The following POT1 variants were observed in gnomAD, a reference collection of about 807,000 sequenced individuals.
POT1 encodes protection of telomeres protein 1.
A neutral mutation model predicts 78.5 loss-of-function variants in POT1; 47 were observed. That is an observed-to-expected ratio of 0.60 (90% confidence interval 0.47 to 0.76). The LOEUF (loss-of-function observed/expected upper bound fraction) is 0.76, where lower values mean the gene tolerates loss of function less well. Among genes scored for constraint, POT1 ranks in the 30% least tolerant of loss-of-function variants. The pLI, the probability that POT1 is intolerant of heterozygous loss-of-function variation, is 0.00. For synonymous variants in POT1, 259 were observed against 260.7 expected, an observed-to-expected ratio of 0.99 and a Z score of 0.06; for missense variants, 646 against 749.9, an observed-to-expected ratio of 0.86 and a Z score of 1.62.
intron 2 of POT1, among the ~76,000 whole-genome samples, chr7:124,927,944 A>C (rs1282099237): frequency 6.6e-6 from 1 of 152,078 alleles, no homozygotes; most frequent in Non-Finnish European, 1.5e-5. Flanking sequence ...TCTATATTCA[A>C]ATTCCTGCTC....
At chr7:124,848,114 T>C (rs1236517071) in intron 11 of POT1, among the ~76,000 whole-genome samples, 1 of 152,154 alleles carries the variant, frequency 6.6e-6, no homozygotes, top group African/African-American at 2.4e-5. Flanking sequence ...AAAGAGTACA[T>C]ATGATTCAAT....
intron 12 of POT1, among the ~76,000 whole-genome samples, chr7:124,846,500 A>G (rs1486948074): frequency 4.6e-5 from 7 of 152,082 alleles, no homozygotes; most frequent in Admixed American, 4.6e-4. Context: ...ATCATTACTA[A>G]CATTAAATTA....
chr7:124,881,093 G>A (rs978254106), intron 6 of POT1, among the ~76,000 whole-genome samples: 25 of 152,042 alleles, frequency 1.6e-4, no homozygotes, highest in African/African-American at 4.6e-4. Flanking sequence ...ATGGGGATAC[G>A]TTCTAAGAGA....
At chr7:124,855,218 C>CAAAAAAAAAAAAAAAAAA (rs550056711) in intron 9 of POT1, among the ~76,000 whole-genome samples, 2 of 52,492 alleles carry the variant, frequency 3.8e-5, no homozygotes, top group African/African-American at 7.9e-5. Flanking sequence ...GAGAGGAGAG[C>CAAAAAAAAAAAAAAAAAA]AAAAAAAAAA....
In POT1 at chr7:124,868,177, A is replaced by G. The variant is rs554278121; in HGVS notation, c.255+2734T>C. 3.9e-5 allele frequency among the ~76,000 whole-genome samples: 6 copies of G among 152,322 alleles called. No individual in the cohort carries two copies. The South Asian group carries it at 1.2e-3, about 32-fold the overall frequency. The stretch of plus-strand genomic sequence containing the variant: ...AAAAATAAATTCTGATATCTAAAAC[A>G]AATGTCTGTACTTAGAATGACCTTG... On this transcript the variant is annotated intron_variant, in intron 7 of 18. Coordinates refer to ENST00000357628, the MANE Select transcript of POT1 (RefSeq NM_015450.3).
intron 9 of POT1, among the ~76,000 whole-genome samples, chr7:124,857,917 T>G (rs551313156): frequency 1.7e-4 from 26 of 152,272 alleles, no homozygotes; most frequent in African/African-American, 6.0e-4. Flanking sequence ...CCTCTGGGGC[T>G]TCAGGGGTCA....
At chr7:124,908,975 T>C (rs1796828928) in intron 3 of POT1, among the ~76,000 whole-genome samples, 1 of 151,846 alleles carries the variant, frequency 6.6e-6, no homozygotes, top group Admixed American at 6.6e-5. Flanking sequence ...AAATAAATGA[T>C]CTAAGGTCAC....
At chr7:124,907,923 C>T (rs1228322756) in intron 3 of POT1, among the ~76,000 whole-genome samples, 1 of 151,922 alleles carries the variant, frequency 6.6e-6, no homozygotes, top group Non-Finnish European at 1.5e-5. Context: ...TATGTTAGTA[C>T]CTCCTAATAA....
intron 11 of POT1, chr7:124,851,669 C>A (rs1355752209): frequency 5.3e-6 from 3 of 561,086 alleles, no homozygotes; most frequent in Non-Finnish European, 9.5e-6. Context: ...CACTACCACC[C>A]AATTTGAAAA....
chr7:124,844,507 C>T (rs1476997620), intron 12 of POT1, among the ~76,000 whole-genome samples: 8 of 149,266 alleles, frequency 5.4e-5, no homozygotes, highest in South Asian at 2.1e-4. Context: ...GAGGCCGAGG[C>T]GGGTAGATCA....
chr7:124,859,303 G>T (rs573059825), intron 8 of POT1, among the ~76,000 whole-genome samples, 191 bp from the exon 9 acceptor site: 3 of 152,170 alleles, frequency 2.0e-5, no homozygotes, highest in Admixed American at 2.0e-4. Context: ...GGAAAATGTA[G>T]AAGAATGTAA....
At chr7:124,882,829 G>A (rs1050634884) in intron 6 of POT1, among the ~76,000 whole-genome samples, 2 of 151,924 alleles carry the variant, frequency 1.3e-5, no homozygotes, top group Admixed American at 6.6e-5. Flanking sequence ...GCTAGTGCTC[G>A]TCTCATAGAA....
chr7:124,906,808 C>G (rs1796776706), intron 3 of POT1, among the ~76,000 whole-genome samples: 1 of 151,950 alleles, frequency 6.6e-6, no homozygotes, highest in African/African-American at 2.4e-5. Flanking sequence ...ATAAATGGCT[C>G]TTAGGATCCA....
At chr7:124,887,892 G>A (rs928688767) in intron 6 of POT1, among the ~76,000 whole-genome samples, 1 of 151,964 alleles carries the variant, frequency 6.6e-6, no homozygotes, top group African/African-American at 2.4e-5. Flanking sequence ...GAAATTCATG[G>A]CTTTTGATGT....
chr7:124,913,988 A>G (rs560243579), intron 3 of POT1, among the ~76,000 whole-genome samples: 2 of 152,112 alleles, frequency 1.3e-5, no homozygotes, highest in African/African-American at 4.8e-5. Flanking sequence ...ACAAAAAATT[A>G]GCAAGACATG....
At chr7:124,899,215 G>A (rs1796562018) in intron 3 of POT1, among the ~76,000 whole-genome samples, 1 of 152,276 alleles carries the variant, frequency 6.6e-6, no homozygotes, top group South Asian at 2.1e-4. Context: ...GAAGATAGTG[G>A]TCATTTCTAA....
At position 124,921,832 on chromosome 7, in the gene POT1, C is replaced by T. The variant is rs184455176; in HGVS notation, c.-226-6186G>A. On this transcript the variant is annotated intron_variant, in intron 2 of 18. Coordinates refer to ENST00000357628, the MANE Select transcript of POT1 (RefSeq NM_015450.3). ...TACATGAACATACACACGTAATTGG[C>T]ATCCCAAAAAAGAGAAAAGGGTAAT... is the stretch of plus-strand genomic sequence containing the variant. Among the ~76,000 whole-genome samples, 130 of 151,756 alleles carry T rather than the reference C, an allele frequency of 8.6e-4. 1 individual carries two copies. The Middle Eastern group carries it at 0.01, about 12-fold the overall frequency.
chr7:124,923,136 G>C (rs904342799), intron 2 of POT1, among the ~76,000 whole-genome samples: 2 of 150,608 alleles, frequency 1.3e-5, no homozygotes, highest in African/African-American at 4.9e-5. Flanking sequence ...ATCACCAAAA[G>C]ACCACAACAA....
chr7:124,842,752 T>C (rs2116467086), intron 13 of POT1, 55 bp downstream of exon 13: 1 of 1,442,038 alleles, frequency 6.9e-7, no homozygotes, highest in Non-Finnish European at 9.5e-7. Context: ...TACATATGTG[T>C]ACATATACAC....
Sources: allele counts gnomAD v4.1 joint callset (sites outside exome capture counted in the v4.1 genomes callset), GRCh38; gene constraint gnomAD v4.1.1; transcripts MANE v1.5; gene names NCBI Gene and HGNC (gene_info 2026-07-23, HGNC 2026-07-21).